Variants in NAALADL2 observed in about 807,000 individuals in gnomAD.
NAALADL2 encodes N-acetylated alpha-linked acidic dipeptidase like 2.
A neutral mutation model predicts 87.2 loss-of-function variants in NAALADL2; 76 were observed. The ratio of observed to expected loss-of-function variants is 0.87; its 90% CI spans 0.72 to 1.05. The LOEUF is 1.05. Ranked by LOEUF, NAALADL2 falls within the 50% of genes least tolerant of loss-of-function variation. The probability of loss-of-function intolerance (pLI) is 0.00; values close to 1 mark genes in which losing one functional copy is unlikely to be tolerated. For missense variants in NAALADL2, 1,089 were observed against 945.8 expected (o/e 1.15, Z -1.99); for synonymous variants, 354 against 331.0 (o/e 1.07, Z -0.75).
chr3:175,391,823 T>G (rs1769110888), intron 5 of NAALADL2, among the ~76,000 whole-genome samples: 1 of 152,156 alleles, frequency 6.6e-6, no homozygotes, highest in African/African-American at 2.4e-5. Context: ...CATAATCCCA[T>G]GCTTTACTGT....
chr3:174,507,010 A>C (rs902856493), intron 1 of NAALADL2, among the ~76,000 whole-genome samples: 4 of 151,640 alleles, frequency 2.6e-5, no homozygotes, highest in Non-Finnish European at 4.4e-5. Context: ...ATTTCCTCTC[A>C]ATATCTGTTT....
At chr3:174,723,837 A>G (rs1453305792) in intron 2 of NAALADL2, among the ~76,000 whole-genome samples, 1 of 149,726 alleles carries the variant, frequency 6.7e-6, no homozygotes, top group Non-Finnish European at 1.5e-5. Context: ...GATTTATGGT[A>G]AAATGAGAAG....
At chr3:174,855,980 GTATATA>G (rs57039020), upstream of NAALADL2, among the ~76,000 whole-genome samples, 58,908 of 142,804 alleles carry the variant, frequency 0.41, 12,221 homozygotes, top group East Asian at 0.46. Context: ...GTGTGTGTGT[GTATATA>G]TATATATATA....
intron 2 of NAALADL2, among the ~76,000 whole-genome samples, chr3:175,123,130 T>G (rs1254308754): frequency 2.0e-5 from 3 of 151,834 alleles, no homozygotes; most frequent in Non-Finnish European, 4.4e-5. Flanking sequence ...TCAACATGAG[T>G]TTTGGAGGGG....
intron 2 of NAALADL2, among the ~76,000 whole-genome samples, chr3:174,654,383 A>G (rs1051931542): frequency 2.6e-5 from 4 of 152,302 alleles, no homozygotes; most frequent in African/African-American, 7.2e-5. Flanking sequence ...AATGAAATCA[A>G]TGATTCTTAA....
At chr3:175,535,410 C>T (rs572650713) in intron 9 of NAALADL2, among the ~76,000 whole-genome samples, 30 of 152,278 alleles carry the variant, frequency 2.0e-4, no homozygotes, top group Admixed American at 1.7e-3. Context: ...CTGTTTTACT[C>T]TCCTGCTACT....
At chr3:175,191,802 A>G (rs1291094879) in intron 2 of NAALADL2, among the ~76,000 whole-genome samples, 1 of 152,210 alleles carries the variant, frequency 6.6e-6, no homozygotes, top group Non-Finnish European at 1.5e-5. Context: ...TTTGTGGAAA[A>G]CACAAAACTA....
intron 2 of NAALADL2, among the ~76,000 whole-genome samples, chr3:174,580,459 G>A (rs1228458256): frequency 6.6e-6 from 1 of 151,968 alleles, no homozygotes; most frequent in African/African-American, 2.4e-5. Flanking sequence ...GTGTACAATT[G>A]TGCAGTTTTT....
chr3:175,802,570 T>A (rs1754300070), intron 13 of NAALADL2, among the ~76,000 whole-genome samples: 1 of 152,056 alleles, frequency 6.6e-6, no homozygotes, highest in Admixed American at 6.6e-5. Flanking sequence ...TGTATTGCAA[T>A]TGATTTGTTG....
chr3:175,029,066 A>ATATATAT (rs569220638), intron 1 of NAALADL2, among the ~76,000 whole-genome samples: 3,127 of 135,988 alleles, frequency 0.023, 48 homozygotes, highest in Non-Finnish European at 0.035. Flanking sequence ...TATATATATA[A>ATATATAT]AAAACTCAAA....
At chr3:175,598,185 G>T (rs2149627466) in intron 10 of NAALADL2, among the ~76,000 whole-genome samples, 1 of 151,818 alleles carries the variant, frequency 6.6e-6, no homozygotes, top group Middle Eastern at 3.4e-3. Flanking sequence ...AATGACTTTG[G>T]ACTTCAATTT....
intron 5 of NAALADL2, among the ~76,000 whole-genome samples, chr3:175,361,420 TAG>T (rs1333248121): frequency 6.7e-6 from 1 of 148,320 alleles, no homozygotes; most frequent in African/African-American, 2.5e-5. Context: ...TTTCTAGTTC[TAG>T]ATCCTTGAGG....
intron 1 of NAALADL2, among the ~76,000 whole-genome samples, chr3:174,517,039 ATAAT>A (rs1719976614): frequency 6.6e-6 from 1 of 152,006 alleles, no homozygotes; most frequent in Non-Finnish European, 1.5e-5. Context: ...CTCCCTTGCT[ATAAT>A]TACTTTTAAT....
intron 1 of NAALADL2, among the ~76,000 whole-genome samples, chr3:174,547,745 T>A (rs1337042036): frequency 2.0e-5 from 3 of 152,154 alleles, no homozygotes; most frequent in Non-Finnish European, 4.4e-5. Flanking sequence ...CTGAGTCAAG[T>A]GACATTGGGA....
At chr3:174,985,977 A>T (rs963892188) in intron 1 of NAALADL2, among the ~76,000 whole-genome samples, 35 of 151,980 alleles carry the variant, frequency 2.3e-4, no homozygotes, top group African/African-American at 8.2e-4. Flanking sequence ...AAAACAAAAA[A>T]AAGCATGCTA....
chr3:175,066,728 T>C (rs1015198080), intron 1 of NAALADL2, among the ~76,000 whole-genome samples: 2 of 152,164 alleles, frequency 1.3e-5, no homozygotes, highest in Non-Finnish European at 2.9e-5. Context: ...CACTCTAGAT[T>C]ATCCTTGATC....
chr3:175,604,420 C>T (rs1456603419), intron 10 of NAALADL2, among the ~76,000 whole-genome samples: 4 of 151,278 alleles, frequency 2.6e-5, no homozygotes, highest in African/African-American at 9.7e-5. Flanking sequence ...TCTCCTGCCT[C>T]AGCCTCCCGA....
At chr3:175,201,598 C>T (rs1218033837) in intron 2 of NAALADL2, among the ~76,000 whole-genome samples, 2 of 152,076 alleles carry the variant, frequency 1.3e-5, no homozygotes, top group South Asian at 2.1e-4. Flanking sequence ...ACATCTTTGT[C>T]GTGTTACACT....
At chr3:174,699,255 T>G (rs972435578) in intron 2 of NAALADL2, among the ~76,000 whole-genome samples, 1 of 152,120 alleles carries the variant, frequency 6.6e-6, no homozygotes, top group Non-Finnish European at 1.5e-5. Flanking sequence ...CCCGGCATTT[T>G]GGGAGGCCAA....
Sources: allele counts gnomAD v4.1 joint callset (sites outside exome capture counted in the v4.1 genomes callset), GRCh38; gene constraint gnomAD v4.1.1; transcripts MANE v1.5; gene names NCBI Gene and HGNC (gene_info 2026-07-23, HGNC 2026-07-21).